Variants in EYS observed in about 807,000 individuals in gnomAD.
The protein encoded by EYS is protein eyes shut homolog.
EYS carries 250 observed loss-of-function variants against 282.1 expected under a neutral mutation model. The observed-to-expected ratio is 0.89, with a 90% CI of 0.80 to 0.98. EYS has a LOEUF of 0.98. Ranked by LOEUF, EYS falls within the 50% of genes least tolerant of loss-of-function variation. The pLI is 0.00. For missense variants in EYS, 4,016 were observed against 3,709.0 expected, an observed-to-expected ratio of 1.08 and a Z score of -2.15; for synonymous variants, 1,355 against 1,282.9, an observed-to-expected ratio of 1.06 and a Z score of -1.20.
chr6:63,884,525 A>G (rs1773216091), intron 35 of EYS, among the ~76,000 whole-genome samples: 1 of 152,182 alleles, frequency 6.6e-6, no homozygotes, highest in Non-Finnish European at 1.5e-5. Context: ...GTAAGAATTC[A>G]TTGAGATTTG....
At chr6:64,985,725 T>C (rs929572071) in intron 14 of EYS, among the ~76,000 whole-genome samples, 1 of 151,568 alleles carries the variant, frequency 6.6e-6, no homozygotes, top group Non-Finnish European at 1.5e-5. Context: ...TATAAATATG[T>C]CCCATGCAAT....
chr6:65,267,615 C>A (rs1767792839), intron 12 of EYS, among the ~76,000 whole-genome samples: 1 of 151,732 alleles, frequency 6.6e-6, no homozygotes, highest in African/African-American at 2.4e-5. Context: ...ATTTTTCTGT[C>A]CTTAGGTTTA....
chr6:64,721,057 A>G (rs1771562795), intron 22 of EYS, among the ~76,000 whole-genome samples: 1 of 152,132 alleles, frequency 6.6e-6, no homozygotes, highest in South Asian at 2.1e-4. Flanking sequence ...TTATTCTACA[A>G]CTAATTATCA....
chr6:64,669,695 A>C (rs1249990007), intron 22 of EYS, among the ~76,000 whole-genome samples: 1 of 152,090 alleles, frequency 6.6e-6, no homozygotes, highest in Admixed American at 6.5e-5. Context: ...TGTGTTTTTT[A>C]TTTGTTCTTA....
Position 63,805,876 on chromosome 6 carries a change from C to T in EYS, c.7411+314G>A, listed in dbSNP as rs556032456. 5.9e-5 allele frequency among the ~76,000 whole-genome samples: 9 copies of T among 152,320 alleles called. No homozygotes were observed. In the South Asian group the frequency reaches 1.9e-3, roughly 32 times the overall value. On this transcript the variant is annotated intron_variant, in intron 37 of 42. Transcript: ENST00000503581. ...CACCATGCTTGTAAATTTCCGGAGGCCTCCCCAGCCATGCTGAACAGTGAG... is the reference window on the plus strand; with the variant it reads ...CACCATGCTTGTAAATTTCCGGAGGTCTCCCCAGCCATGCTGAACAGTGAG...
chr6:64,045,543 T>G (rs1770583171), intron 33 of EYS, among the ~76,000 whole-genome samples: 1 of 151,596 alleles, frequency 6.6e-6, no homozygotes, highest in Non-Finnish European at 1.5e-5. Flanking sequence ...CTTCCTGGTT[T>G]CAAACGATTC....
intron 2 of EYS, among the ~76,000 whole-genome samples, chr6:65,507,672 T>C (rs1409727316): frequency 2.6e-5 from 4 of 152,158 alleles, no homozygotes; most frequent in African/African-American, 9.6e-5. Flanking sequence ...TCTGTTGATA[T>C]ATTTTCAAGC....
intron 31 of EYS, among the ~76,000 whole-genome samples, chr6:64,113,568 C>T (rs76015309): frequency 0.066 from 10,033 of 152,162 alleles, 997 homozygotes; most frequent in African/African-American, 0.22. Context: ...TCCTTGACAG[C>T]ATTTTAGCAA....
chr6:64,264,159 G>A (rs1037295785), intron 30 of EYS, among the ~76,000 whole-genome samples: 1 of 152,076 alleles, frequency 6.6e-6, no homozygotes, highest in African/African-American at 2.4e-5. Context: ...TTAGTTTTCA[G>A]GTTCAAATAG....
intron 5 of EYS, among the ~76,000 whole-genome samples, chr6:65,447,420 T>C (rs1298499554): frequency 2.0e-5 from 3 of 148,518 alleles, no homozygotes; most frequent in Non-Finnish European, 3.0e-5. Context: ...AAATTTACTG[T>C]ACTGAGTCAT....
intron 5 of EYS, among the ~76,000 whole-genome samples, chr6:65,479,857 A>G (rs1166270421): frequency 6.6e-6 from 1 of 152,070 alleles, no homozygotes; most frequent in African/African-American, 2.4e-5. Context: ...AAGTACATGG[A>G]AAAAAATTTT....
At chr6:65,269,039 A>G (rs1374069370) in intron 12 of EYS, among the ~76,000 whole-genome samples, 2 of 152,168 alleles carry the variant, frequency 1.3e-5, no homozygotes, top group Non-Finnish European at 2.9e-5. Flanking sequence ...TCTAAGCCTA[A>G]TAATAGTCAT....
chr6:64,250,391 C>T (rs911859483), intron 30 of EYS, among the ~76,000 whole-genome samples: 28 of 152,092 alleles, frequency 1.8e-4, no homozygotes, highest in African/African-American at 4.3e-4. Flanking sequence ...TGCACGCAAC[C>T]GTGGCCAGGG....
chr6:65,456,574 G>A (rs1764626549), intron 5 of EYS, among the ~76,000 whole-genome samples: 1 of 151,914 alleles, frequency 6.6e-6, no homozygotes, highest in South Asian at 2.1e-4. Flanking sequence ...ATGATCAAGT[G>A]GAAATCATCC....
At chr6:63,925,471 T>A (rs1306409285) in intron 35 of EYS, among the ~76,000 whole-genome samples, 2 of 152,212 alleles carry the variant, frequency 1.3e-5, no homozygotes, top group East Asian at 3.8e-4. Context: ...GAACATTTTA[T>A]TTGGTATTTA....
At chr6:65,429,160 C>G (rs1276147383) in intron 5 of EYS, among the ~76,000 whole-genome samples, 4 of 147,082 alleles carry the variant, frequency 2.7e-5, no homozygotes, top group Non-Finnish European at 1.5e-5. Context: ...GCCTGGGCAA[C>G]AAGAGCAAAA....
intron 41 of EYS, among the ~76,000 whole-genome samples, chr6:63,733,761 T>C (rs544435654): frequency 2.6e-5 from 4 of 152,240 alleles, no homozygotes; most frequent in Admixed American, 6.5e-5. Context: ...ATTGGGTTGC[T>C]TGGGGAGGAA....
chr6:64,787,711 A>T (rs1301591858), intron 22 of EYS, among the ~76,000 whole-genome samples: 1 of 149,240 alleles, frequency 6.7e-6, no homozygotes, highest in East Asian at 1.9e-4. Flanking sequence ...TATAGATAAT[A>T]ATACATATAT....
rs562174273 is a variant in EYS at position 64,248,955 on chromosome 6, C to G, written c.6192-18131G>C. Among the ~76,000 whole-genome samples the G allele has an allele frequency of 4.7e-5, 7 of 150,008 alleles. No homozygotes were observed. The East Asian group carries it at 1.0e-3, about 21-fold the overall frequency. On this transcript the variant is annotated intron_variant, in intron 30 of 42. Transcript: ENST00000503581. Reference sequence around the variant, plus strand: ...GCTGTAGTCCCAGCTACTCCAGAGGCTGAGACATGAGAATAGCTTGAATCT... The same window carrying G: ...GCTGTAGTCCCAGCTACTCCAGAGGGTGAGACATGAGAATAGCTTGAATCT...
Sources: gnomAD v4.1 joint callset for allele counts (sites outside exome capture counted in the v4.1 genomes callset) on GRCh38, gnomAD v4.1.1 for gene constraint, MANE v1.5 for transcripts, NCBI Gene and HGNC (gene_info 2026-07-23, HGNC 2026-07-21) for gene names.